The following ACTR3C variants were observed in gnomAD, a reference collection of about 807,000 sequenced individuals.
The protein encoded by ACTR3C is actin-related protein 3C.
ACTR3C carries 18 observed loss-of-function variants against 26.3 expected under a neutral mutation model. The observed-to-expected ratio is 0.68, with a 90% CI of 0.47 to 1.01. The LOEUF (loss-of-function observed/expected upper bound fraction) is 1.01. Ranked by LOEUF, ACTR3C falls within the 50% of genes least tolerant of loss-of-function variation. The pLI, the probability that ACTR3C is intolerant of heterozygous loss-of-function variation, is 0.00. For missense variants in ACTR3C, 184 were observed against 250.7 expected, an observed-to-expected ratio of 0.73 and a Z score of 1.80; for synonymous variants, 55 against 94.5, an observed-to-expected ratio of 0.58 and a Z score of 2.42.
chr7:149,949,143 C>CTATATATA, the ACTR3C span, among the ~76,000 whole-genome samples: 1 of 145,896 alleles, frequency 6.9e-6, no homozygotes, highest in Non-Finnish European at 1.5e-5. Context: ...TGGTGAAACC[C>CTATATATA]TTTCTCTATT....
chr7:149,917,538 T>G, the ACTR3C span, among the ~76,000 whole-genome samples: 1 of 151,850 alleles, frequency 6.6e-6, no homozygotes, highest in Non-Finnish European at 1.5e-5. Context: ...GAAACTCCTC[T>G]TCCAACCATG....
At chr7:150,214,439 C>T in the ACTR3C span, among the ~76,000 whole-genome samples, 28 of 152,012 alleles carry the variant, frequency 1.8e-4, no homozygotes, top group African/African-American at 5.8e-4. Context: ...TCCGGAGCTA[C>T]GCACACAAAC....
the ACTR3C span, among the ~76,000 whole-genome samples, chr7:150,220,752 C>A: frequency 6.6e-6 from 1 of 152,302 alleles, no homozygotes; most frequent in Admixed American, 6.5e-5. Flanking sequence ...CACTCACGCC[C>A]TCCCGCCACC....
At chr7:149,923,001 T>A in the ACTR3C span, among the ~76,000 whole-genome samples, 1 of 69,698 alleles carries the variant, frequency 1.4e-5, no homozygotes. Flanking sequence ...TTTTTACAAA[T>A]CAGATGCTGA....
chr7:149,981,147 T>G, the ACTR3C span, among the ~76,000 whole-genome samples: 3 of 152,070 alleles, frequency 2.0e-5, no homozygotes, highest in African/African-American at 7.2e-5. Flanking sequence ...CCAAACCCTA[T>G]AGGCTGTATA....
chr7:150,135,995 C>T, the ACTR3C span, among the ~76,000 whole-genome samples: 2 of 152,116 alleles, frequency 1.3e-5, no homozygotes, highest in African/African-American at 4.8e-5. Flanking sequence ...ACACGAAACC[C>T]TGTCATGATG....
At chr7:149,938,103 T>C in the ACTR3C span, among the ~76,000 whole-genome samples, 1 of 152,156 alleles carries the variant, frequency 6.6e-6, no homozygotes, top group Non-Finnish European at 1.5e-5. Flanking sequence ...GATTCCGCCC[T>C]GGGAAAATGA....
chr7:150,243,974 C>T (rs4433056), downstream of ACTR3C: 15 of 150,078 alleles, frequency 1.0e-4, no homozygotes, highest in African/African-American at 2.8e-4. Flanking sequence ...GAACCTGGTG[C>T]CTACCTCTGA....
chr7:150,029,397 C>CAAAAAAAAAAAAAAAAAAAAAAACA, the ACTR3C span, among the ~76,000 whole-genome samples: 1 of 35,414 alleles, frequency 2.8e-5, no homozygotes, highest in African/African-American at 1.2e-4. Context: ...CAATCTTTAT[C>CAAAAAAAAAAAAAAAAAAAAAAACA]AAAAACAAAA....
At chr7:150,166,340 C>T in the ACTR3C span, among the ~76,000 whole-genome samples, 2 of 150,996 alleles carry the variant, frequency 1.3e-5, no homozygotes, top group Admixed American at 1.3e-4. Context: ...CAAACATACA[C>T]CATTTCTTTG....
the ACTR3C span, among the ~76,000 whole-genome samples, chr7:149,971,754 C>A: frequency 6.6e-6 from 1 of 152,194 alleles, no homozygotes; most frequent in African/African-American, 2.4e-5. Flanking sequence ...TTTACCCTTT[C>A]GTGTGCCCTG....
chr7:150,269,254 G>A (rs1312501678), intron 6 of ACTR3C, among the ~76,000 whole-genome samples: 1 of 106,668 alleles, frequency 9.4e-6, no homozygotes, highest in Non-Finnish European at 1.8e-5. Context: ...GAAGACAAGC[G>A]TTTAAGAAGA....
chr7:150,156,593 G>A, the ACTR3C span, among the ~76,000 whole-genome samples: 327 of 151,974 alleles, frequency 2.2e-3, no homozygotes, highest in South Asian at 7.1e-3. Context: ...GAGAGGGAGA[G>A]GAGAGAGAGC....
intron 6 of ACTR3C, among the ~76,000 whole-genome samples, chr7:150,267,466 G>A (rs1273507313): frequency 2.6e-5 from 4 of 152,166 alleles, no homozygotes; most frequent in Non-Finnish European, 5.9e-5. Flanking sequence ...CCTGCCCTGA[G>A]TCACTCAGTA....
chr7:149,906,433 T>C, the ACTR3C span, among the ~76,000 whole-genome samples: 7 of 80,268 alleles, frequency 8.7e-5, no homozygotes, highest in Non-Finnish European at 1.5e-4. Context: ...TTTTTTTTTT[T>C]TTTTTTTTTT....
the ACTR3C span, among the ~76,000 whole-genome samples, chr7:150,048,238 G>A: frequency 2.6e-5 from 4 of 151,974 alleles, no homozygotes; most frequent in Admixed American, 1.3e-4. Context: ...CCCAGAATTT[G>A]GCACCACCTA....
At chr7:150,001,514 G>A in the ACTR3C span, 1 of 152,404 alleles carries the variant, frequency 6.6e-6, no homozygotes, top group African/African-American at 2.4e-5. Context: ...CCCACGACAA[G>A]CTTACAGGTG....
At chr7:150,049,661 A>G in the ACTR3C span, among the ~76,000 whole-genome samples, 1 of 152,160 alleles carries the variant, frequency 6.6e-6, no homozygotes, top group African/African-American at 2.4e-5. Context: ...CTGTTTCCCT[A>G]ACTGCGGGGG....
chr7:150,108,974 G>T, the ACTR3C span, among the ~76,000 whole-genome samples: 5 of 151,790 alleles, frequency 3.3e-5, no homozygotes, highest in Non-Finnish European at 5.9e-5. Context: ...CCCACAGACC[G>T]CTGTCTAATG....
Sources: gnomAD v4.1 joint callset for allele counts (sites outside exome capture counted in the v4.1 genomes callset) on GRCh38, gnomAD v4.1.1 for gene constraint, MANE v1.5 for transcripts, NCBI Gene and HGNC (gene_info 2026-07-23, HGNC 2026-07-21) for gene names.